Variants in NLGN4X observed in about 807,000 individuals in gnomAD.
NLGN4X encodes the protein neuroligin 4 X-linked.
In NLGN4X, 3 loss-of-function variants were observed where a neutral mutation model predicts 40.3. That is an observed-to-expected ratio of 0.07 (90% confidence interval 0.03 to 0.19). NLGN4X has a LOEUF of 0.19. Ranked by LOEUF, NLGN4X falls within the 10% of genes least tolerant of loss-of-function variation. The probability of loss-of-function intolerance (pLI) is 1.00; values close to 1 mark genes in which losing one functional copy is unlikely to be tolerated. For missense variants in NLGN4X, 382 were observed against 708.3 expected, an observed-to-expected ratio of 0.54 and a Z score of 5.23; for synonymous variants, 270 against 306.8, an observed-to-expected ratio of 0.88 and a Z score of 1.25.
At chrX:6,066,282 C>T (rs1220712503) in intron 2 of NLGN4X, among the ~76,000 whole-genome samples, 1 of 112,164 alleles carries the variant, frequency 8.9e-6, no homozygotes, top group Non-Finnish European at 1.9e-5. Flanking sequence ...TCTTCTCAAT[C>T]TTCCATGTTA....
At chrX:6,019,316 GA>G (rs2036474637) in intron 3 of NLGN4X, among the ~76,000 whole-genome samples, 1 of 111,635 alleles carries the variant, frequency 9.0e-6, no homozygotes, top group Non-Finnish European at 1.9e-5. Context: ...AATGTCAGGG[GA>G]AAAAAAGCTG....
intron 1 of NLGN4X, among the ~76,000 whole-genome samples, chrX:6,153,207 C>CTT (rs1035706502): frequency 5.8e-5 from 6 of 104,115 alleles, no homozygotes; most frequent in African/African-American, 2.1e-4. Flanking sequence ...CATCACATGG[C>CTT]TTTTTTTTTT....
chrX:6,088,749 T>C, intron 2 of NLGN4X, among the ~76,000 whole-genome samples: 1 of 112,124 alleles, frequency 8.9e-6, no homozygotes, highest in Non-Finnish European at 1.9e-5. Context: ...AGATGTGTTG[T>C]TGACATTTGG....
chrX:5,922,888 A>T (rs1003241635), intron 3 of NLGN4X, among the ~76,000 whole-genome samples: 16 of 111,246 alleles, frequency 1.4e-4, no homozygotes, highest in Non-Finnish European at 3.0e-4. Flanking sequence ...TAAAATAAAA[A>T]AATAAAAAAT....
intron 1 of NLGN4X, among the ~76,000 whole-genome samples, chrX:6,182,514 T>C (rs1361086772): frequency 1.8e-5 from 2 of 112,126 alleles, no homozygotes; most frequent in African/African-American, 6.5e-5. Context: ...TGAGGCTGAA[T>C]AATGCACTGT....
chrX:5,891,457 A>G lies in NLGN4X; in HGVS notation c.*1360T>C. 1 of 258,956 alleles carries G rather than the reference A, an allele frequency of 3.9e-6. No homozygotes were observed. The highest frequency in any genetic ancestry group is 7.1e-6 in the Non-Finnish European group (1 of 141,439). 21.3% of individuals were successfully genotyped at this position (258,956 alleles called of 1,213,427 possible). ...CTGATAAATAAGGGACCGAGTGCTT[A>G]AACAAAAAGGAAAGACACATGTCTT... On this transcript the variant is annotated 3_prime_UTR_variant, in exon 6 of 6. Transcript: ENST00000381095.
intron 1 of NLGN4X, among the ~76,000 whole-genome samples, chrX:6,198,971 AT>A (rs1266205465): frequency 8.9e-6 from 1 of 112,068 alleles, no homozygotes; most frequent in Non-Finnish European, 1.9e-5. Context: ...ATGGTCCATT[AT>A]TTATTGAATT....
In NLGN4X at chrX:5,938,630, C is replaced by T. The variant is rs949371363; in HGVS notation, c.626-29391G>A. ...TGTTCAGGGTTATGGGTTAACTCAA[C>T]GGTCAAGAAGCAATGGTCAAAGGCC... On this transcript the variant is annotated intron_variant, in intron 3 of 5. Coordinates refer to ENST00000381095, the MANE Select transcript of NLGN4X (RefSeq NM_181332.3). Among the ~76,000 whole-genome samples the T allele has an allele frequency of 6.5e-5, 7 of 108,413 alleles. No homozygotes were observed. The East Asian group carries it at 8.9e-4, about 14-fold the overall frequency. 94.1% of individuals were successfully genotyped at this position (108,413 alleles called of 115,157 possible). A position where few individuals can be genotyped will look rare whatever the true frequency, so the allele number is the denominator to read the frequency against.
chrX:6,032,569 A>T, intron 2 of NLGN4X: 1 of 386,525 alleles, frequency 2.6e-6, no homozygotes. Flanking sequence ...TTAAGGAAGC[A>T]CACCAAAGTG....
chrX:6,192,568 A>G (rs1922639266), intron 1 of NLGN4X, among the ~76,000 whole-genome samples: 2 of 112,008 alleles, frequency 1.8e-5, no homozygotes, highest in Non-Finnish European at 3.8e-5. Flanking sequence ...CCTGCAGCCT[A>G]AAGATCCTTC....
chrX:6,200,691 T>TTTTTTTTCTTTTTC (rs1176159864), intron 1 of NLGN4X, among the ~76,000 whole-genome samples: 5 of 89,285 alleles, frequency 5.6e-5, no homozygotes, highest in Non-Finnish European at 8.7e-5. Flanking sequence ...CCTTTTCTTT[T>TTTTTTTTCTTTTTC]TTTTTTTTTT....
intron 4 of NLGN4X, among the ~76,000 whole-genome samples, chrX:5,907,944 G>A (rs1339501656): frequency 9.8e-6 from 1 of 102,499 alleles, no homozygotes; most frequent in Non-Finnish European, 2.0e-5. Context: ...AAGAGAGAGA[G>A]GAAAGGAGAT....
chrX:5,951,791 C>A (rs192427191), intron 3 of NLGN4X, among the ~76,000 whole-genome samples: 21 of 111,147 alleles, frequency 1.9e-4, no homozygotes, highest in Non-Finnish European at 4.0e-4. Context: ...CTTCCAAAGC[C>A]CCACTTCCAA....
At chrX:6,009,176 T>C (rs1294128279) in intron 3 of NLGN4X, among the ~76,000 whole-genome samples, 1 of 112,114 alleles carries the variant, frequency 8.9e-6, no homozygotes, top group African/African-American at 3.2e-5. Flanking sequence ...TTTTAGCTAT[T>C]GTGAATAACA....
intron 3 of NLGN4X, among the ~76,000 whole-genome samples, chrX:5,954,391 C>CT (rs764108500): frequency 0.034 from 1,920 of 55,790 alleles, 110 homozygotes; most frequent in African/African-American, 0.12. Context: ...GCTTGGCTAA[C>CT]TTTTTTTTTT....
intron 2 of NLGN4X, among the ~76,000 whole-genome samples, chrX:6,113,714 C>T (rs1307093223): frequency 1.8e-5 from 2 of 108,458 alleles, no homozygotes; most frequent in Non-Finnish European, 3.8e-5. Flanking sequence ...AAAAAATGCA[C>T]GATACACAAA....
chrX:6,095,646 G>A (rs1476418446), intron 2 of NLGN4X, among the ~76,000 whole-genome samples: 2 of 112,050 alleles, frequency 1.8e-5, no homozygotes, highest in African/African-American at 6.5e-5. Context: ...ATTAGGCTAG[G>A]ATTACCATAC....
intron 5 of NLGN4X, among the ~76,000 whole-genome samples, chrX:5,896,707 A>T (rs910997771): frequency 1.8e-5 from 2 of 112,099 alleles, no homozygotes; most frequent in African/African-American, 6.5e-5. Flanking sequence ...CTCTCTAAAA[A>T]TATCTGTGAA....
In NLGN4X at chrX:5,892,884, A is replaced by G. The variant is rs1264032065; in HGVS notation, c.2384T>C (p.Phe795Ser). 5 of 1,211,321 alleles carry G rather than the reference A, an allele frequency of 4.1e-6. No homozygotes were observed. Among genetic ancestry groups the G allele is most frequent in the Non-Finnish European group, 5.6e-6 (5 of 895,448 alleles). ...GTTTTGTCCTCCACTGAAGGTGTTA[A>G]AAGTGTGCAAAGGCTGCATCCCCGT... is the stretch of plus-strand genomic sequence containing the variant. ...TLTGMQPLHT[F>S]NTFSGGQNST... The change falls in exon 6 of 6, where the codon TTT becomes TCT. Residue 795 changes from phenylalanine (F) to serine (S), a missense_variant. By Grantham distance (155) the Phe-to-Ser change is radical. Coordinates refer to ENST00000381095, the MANE Select transcript of NLGN4X (RefSeq NM_181332.3).
Sources: gnomAD v4.1 joint callset for allele counts (sites outside exome capture counted in the v4.1 genomes callset) on GRCh38, gnomAD v4.1.1 for gene constraint, MANE v1.5 for transcripts, NCBI Gene and HGNC (gene_info 2026-07-23, HGNC 2026-07-21) for gene names.